Variants in PLEKHA6 observed in about 807,000 individuals in gnomAD.
PLEKHA6 encodes the protein pleckstrin homology domain-containing family A member 6.
In PLEKHA6, 60 loss-of-function variants were observed where a neutral mutation model predicts 116.7. The ratio of observed to expected loss-of-function variants is 0.51; its 90% CI spans 0.42 to 0.64. The LOEUF is 0.64. Ranked by LOEUF, PLEKHA6 falls within the 30% of genes least tolerant of loss-of-function variation. PLEKHA6 has a pLI of 0.00. For synonymous variants in PLEKHA6, 489 were observed against 556.1 expected, an observed-to-expected ratio of 0.88 and a Z score of 1.70; for missense variants, 1,338 against 1,422.7, an observed-to-expected ratio of 0.94 and a Z score of 0.96.
rs569789725 is a variant in PLEKHA6, at chr1:204,219,260, T to TAA, written c.*3526_*3527dup. 5,067 of 150,038 alleles carry TAA rather than the reference T, an allele frequency of 0.034. 134 individuals carry two copies. Among genetic ancestry groups the TAA allele is most frequent in the South Asian group, 0.11 (520 of 4,786 alleles). The allele number at this position is 150,038 out of a possible 1,614,324, so 9.3% of individuals were successfully genotyped here. A position where few individuals can be genotyped will look rare whatever the true frequency, so the allele number is the denominator to read the frequency against. ...GTGTGTGTATATATATATATATATA[T>TAA]AATGTGTGTGTATATCATATTTTTT... On this transcript the variant is annotated 3_prime_UTR_variant, in exon 23 of 23. Transcript: ENST00000272203.
At position 204,228,058 on chromosome 1, in the gene PLEKHA6, T is replaced by C; in HGVS notation, c.3031+25A>G. 4.4e-6 allele frequency: 7 copies of C among 1,606,900 alleles called. No homozygotes were observed. Among genetic ancestry groups the C allele is most frequent in the Non-Finnish European group, 5.9e-6 (7 of 1,176,948 alleles). ...TGGTCAGCTGGTTTCCCTGGCAGGG[T>C]GGAGCGAGGCCCAGCCCCTCTCACC... On this transcript the variant is annotated intron_variant, in intron 21 of 22. Coordinates refer to ENST00000272203, the MANE Select transcript of PLEKHA6 (RefSeq NM_014935.5). The surrounding 1 kb of genome is among the most constrained non-coding windows in gnomAD (Gnocchi z 4.0).
intron 1 of PLEKHA6, among the ~76,000 whole-genome samples, chr1:204,347,516 G>A (rs969370029): frequency 1.3e-5 from 2 of 150,542 alleles, no homozygotes; most frequent in African/African-American, 2.5e-5. Flanking sequence ...CATCCTCCTC[G>A]GCTTACGAGA....
At chr1:204,326,105 C>G (rs1672233242) in intron 1 of PLEKHA6, 1 of 155,074 alleles carries the variant, frequency 6.4e-6, no homozygotes, top group African/African-American at 2.4e-5. Context: ...AGGCTCTGAG[C>G]ACTCCACGTG....
At position 204,293,863 on chromosome 1, in the gene PLEKHA6, T is replaced by A. The variant is rs1004263469; in HGVS notation, c.-94-19054A>T. 2.0e-5 allele frequency among the ~76,000 whole-genome samples: 3 copies of A among 152,246 alleles called. No individual in the cohort carries two copies. In the South Asian group the frequency reaches 6.2e-4, roughly 32 times the overall value. The stretch of plus-strand genomic sequence containing the variant: ...TGCTCTTTAAGAAAACTTCAATGCA[T>A]GAACATGGAGAAAGGCTGAGGGACT... On this transcript the variant is annotated intron_variant, in intron 1 of 22. Coordinates refer to ENST00000272203, the MANE Select transcript of PLEKHA6 (RefSeq NM_014935.5).
At chr1:204,317,700 T>A (rs989749585) in intron 1 of PLEKHA6, among the ~76,000 whole-genome samples, 1 of 152,176 alleles carries the variant, frequency 6.6e-6, no homozygotes, top group Non-Finnish European at 1.5e-5. Flanking sequence ...TAAAACATAA[T>A]CCAAATTGGC....
chr1:204,266,596 C>T (rs1483340437), intron 5 of PLEKHA6, among the ~76,000 whole-genome samples: 3 of 152,270 alleles, frequency 2.0e-5, no homozygotes, highest in African/African-American at 7.2e-5. Context: ...TGATTTCCCT[C>T]CTTGGGGTTC....
chr1:204,292,769 G>T (rs1669902438), intron 1 of PLEKHA6, among the ~76,000 whole-genome samples: 1 of 152,226 alleles, frequency 6.6e-6, no homozygotes, highest in African/African-American at 2.4e-5. Flanking sequence ...AGCACTGCAA[G>T]ACAGGGAAGA....
chr1:204,329,272 G>T (rs1672361925), intron 1 of PLEKHA6, among the ~76,000 whole-genome samples: 2 of 152,130 alleles, frequency 1.3e-5, no homozygotes, highest in Admixed American at 6.5e-5. Context: ...CAATGCAAAG[G>T]ACTCTTTCCA....
chr1:204,308,492 GA>G lies in PLEKHA6; in HGVS notation c.-94-33684del, dbSNP rs933342158. Reference sequence around the variant, plus strand: ...TACTCACTTGGACCACTGATTGCAAGAAAAAAAAAATCACTTAACCTCTCTG... The same window carrying G: ...TACTCACTTGGACCACTGATTGCAAGAAAAAAAAATCACTTAACCTCTCTG... On this transcript the variant is annotated intron_variant, in intron 1 of 22. Transcript: ENST00000272203. 1.6e-3 allele frequency among the ~76,000 whole-genome samples: 237 copies of G among 148,390 alleles called. 2 individuals carry two copies. The highest frequency in any genetic ancestry group is 3.2e-3 in the Admixed American group (48 of 14,938).
At chr1:204,360,630 C>A (rs571062767), upstream of PLEKHA6, among the ~76,000 whole-genome samples, 16 of 152,236 alleles carry the variant, frequency 1.1e-4, no homozygotes, top group Non-Finnish European at 1.8e-4. Flanking sequence ...CTAAGACAGA[C>A]CCACTTGTAT....
chr1:204,242,275 G>T (rs1347742701), intron 15 of PLEKHA6, among the ~76,000 whole-genome samples: 1 of 152,176 alleles, frequency 6.6e-6, no homozygotes. Flanking sequence ...GACTAGAAGA[G>T]ACCTCAGCCA....
chr1:204,241,469 G>C lies in PLEKHA6; in HGVS notation c.2315C>G (p.Pro772Arg), dbSNP rs1333114322. The C allele has an allele frequency of 1.9e-6, 3 of 1,602,668 alleles. No individual in the cohort carries two copies. The highest frequency in any genetic ancestry group is 2.7e-5 in the African/African-American group (2 of 74,604). ...QAALNKVGVV[P>R]PRTKSPTDDE... ...ATCAGTGGGCGATTTTGTCCGAGGG[G>C]GCACAACGCCAACTGCAGAAAGACA... The change falls in exon 17 of 23, where the codon CCC becomes CGC. Residue 772 changes from proline (P) to arginine (R), a missense_variant. Pro to Arg is a moderately radical substitution (Grantham distance 103). This residue lies in a region of PLEKHA6 where 1,136 missense variants were observed against 1,163.6 expected (regional missense o/e 0.98). Transcript: ENST00000272203.
chr1:204,245,424 G>A (rs1663505897), intron 14 of PLEKHA6, among the ~76,000 whole-genome samples, 191 bp downstream of exon 14: 1 of 151,966 alleles, frequency 6.6e-6, no homozygotes, highest in Non-Finnish European at 1.5e-5. Context: ...TTGTTTATTT[G>A]GTCTATTCTG....
chr1:204,293,611 G>A (rs564700891), intron 1 of PLEKHA6, among the ~76,000 whole-genome samples: 9 of 152,036 alleles, frequency 5.9e-5, no homozygotes, highest in Non-Finnish European at 8.8e-5. Flanking sequence ...TCTTTATTTC[G>A]AATGTTACTA....
At chr1:204,342,880 G>A (rs976128383) in intron 1 of PLEKHA6, among the ~76,000 whole-genome samples, 1 of 152,194 alleles carries the variant, frequency 6.6e-6, no homozygotes, top group Non-Finnish European at 1.5e-5. Context: ...AAAGACCCAT[G>A]GGGAGGGAAT....
At chr1:204,319,802 A>C (rs1671990951) in intron 1 of PLEKHA6, among the ~76,000 whole-genome samples, 2 of 152,162 alleles carry the variant, frequency 1.3e-5, no homozygotes, top group South Asian at 4.2e-4. Context: ...GAAAGGGAGG[A>C]CAGAAGGGAG....
chr1:204,344,646 T>C (rs1001445814), intron 1 of PLEKHA6, among the ~76,000 whole-genome samples: 8 of 151,252 alleles, frequency 5.3e-5, no homozygotes, highest in Non-Finnish European at 8.8e-5. Flanking sequence ...TAGAGTCAAT[T>C]ATAAAAAGTA....
At chr1:204,294,829 TA>T (rs1320800577) in intron 1 of PLEKHA6, among the ~76,000 whole-genome samples, 2 of 152,216 alleles carry the variant, frequency 1.3e-5, no homozygotes, top group Non-Finnish European at 2.9e-5. Flanking sequence ...ACAAAAAATT[TA>T]TGAAAGGTTC....
intron 7 of PLEKHA6, among the ~76,000 whole-genome samples, chr1:204,260,162 G>A (rs566744320): frequency 6.6e-6 from 1 of 152,252 alleles, no homozygotes; most frequent in South Asian, 2.1e-4. Context: ...TGATACTCCA[G>A]TGACAAAGGC....
Sources: allele counts gnomAD v4.1 joint callset (sites outside exome capture counted in the v4.1 genomes callset), GRCh38; gene constraint gnomAD v4.1.1; regional missense constraint gnomAD v4.1.1; non-coding constraint Gnocchi (gnomAD v3.1); transcripts MANE v1.5; gene names NCBI Gene and HGNC (gene_info 2026-07-23, HGNC 2026-07-21).